Variants in GALNS observed in about 807,000 individuals in gnomAD.
GALNS encodes the protein galactosamine (N-acetyl)-6-sulfatase.
A neutral mutation model predicts 65.9 loss-of-function variants in GALNS; 65 were observed. The observed-to-expected ratio is 0.99, with a 90% CI of 0.81 to 1.21. GALNS has a LOEUF of 1.21. Ranked by LOEUF, GALNS falls within the 50% of genes most tolerant of loss-of-function variation. The pLI, the probability that GALNS is intolerant of heterozygous loss-of-function variation, is 0.00. For synonymous variants in GALNS, 346 were observed against 288.9 expected (o/e 1.20, Z -2.00); for missense variants, 776 against 700.7 (o/e 1.11, Z -1.21).
chr16:88,849,636 T>C (rs28593144), intron 1 of GALNS, among the ~76,000 whole-genome samples: 19,328 of 152,094 alleles, frequency 0.13, 1,538 homozygotes, highest in African/African-American at 0.23. Flanking sequence ...TTGCCCAGGC[T>C]GGTCTTGAGT....
At chr16:88,854,552 C>T (rs745528018) in intron 1 of GALNS, among the ~76,000 whole-genome samples, 9 of 152,234 alleles carry the variant, frequency 5.9e-5, no homozygotes, top group African/African-American at 9.6e-5. Flanking sequence ...GAGGCCTGGG[C>T]TGGACAGGTC....
At chr16:88,852,337 A>G (rs886883920) in intron 1 of GALNS, among the ~76,000 whole-genome samples, 1 of 152,250 alleles carries the variant, frequency 6.6e-6, no homozygotes, top group Non-Finnish European at 1.5e-5. Context: ...AATAGCATCA[A>G]CATCAACAAA....
intron 1 of GALNS, among the ~76,000 whole-genome samples, chr16:88,847,115 C>G (rs1967281926): frequency 6.6e-6 from 1 of 152,130 alleles, no homozygotes; most frequent in South Asian, 2.1e-4. Context: ...CTTAAGCACA[C>G]TGGAGACCAC....
intron 1 of GALNS, among the ~76,000 whole-genome samples, chr16:88,848,945 T>C (rs975233971): frequency 2.6e-5 from 4 of 152,206 alleles, no homozygotes; most frequent in African/African-American, 9.6e-5. Flanking sequence ...GCAGGCTACA[T>C]GGCCCCTGCC....
At chr16:88,840,966 T>C (rs1597579927) in intron 4 of GALNS, 26 bp downstream of exon 4, 4 of 1,578,354 alleles carry the variant, frequency 2.5e-6, no homozygotes, top group Non-Finnish European at 3.5e-6. Flanking sequence ...GCAGGACGCC[T>C]GGGCAGGCGT....
chr16:88,816,256 G>A (rs1243259718), intron 13 of GALNS: 1 of 985,352 alleles, frequency 1.0e-6, no homozygotes, highest in African/African-American at 1.7e-5. Context: ...CATGGCAGGT[G>A]TGGCCTGCGC....
chr16:88,824,730 G>A (rs1320466889), intron 11 of GALNS, 37 bp downstream of exon 11: 2 of 1,559,342 alleles, frequency 1.3e-6, no homozygotes, highest in Middle Eastern at 1.7e-4. Flanking sequence ...TAGAGATGGG[G>A]GCAGCTCCGC....
chr16:88,844,272 G>A (rs965059445), intron 1 of GALNS: 6 of 152,300 alleles, frequency 3.9e-5, no homozygotes, highest in African/African-American at 1.4e-4. Flanking sequence ...AAATGCCCAC[G>A]GCAAACTCCG....
chr16:88,844,551 G>A (rs1470788589), intron 1 of GALNS: 2 of 152,222 alleles, frequency 1.3e-5, no homozygotes, highest in Non-Finnish European at 2.9e-5. Context: ...CCCTCCTGAG[G>A]TGCTCCAAGC....
At chr16:88,840,884 C>T in intron 4 of GALNS, 108 bp downstream of exon 4, 1 of 883,176 alleles carries the variant, frequency 1.1e-6, no homozygotes, top group Non-Finnish European at 1.9e-6. Context: ...TGCCGTTTCC[C>T]ACCCAAGACA....
At chr16:88,854,566 A>G (rs928327703) in intron 1 of GALNS, among the ~76,000 whole-genome samples, 2 of 152,254 alleles carry the variant, frequency 1.3e-5, no homozygotes, top group Non-Finnish European at 2.9e-5. Context: ...ACAGGTCAGC[A>G]TGTGCCCCTC....
intron 2 of GALNS, chr16:88,842,239 C>T: frequency 1.7e-6 from 1 of 590,568 alleles, no homozygotes; most frequent in South Asian, 1.8e-5. Flanking sequence ...GCTCCTGGGA[C>T]ACCCACTGGG....
Position 88,837,606 on chromosome 16 carries a change from G to T in GALNS, c.566+16C>A. ...CAGTTCAGGACGTGGGAGGGGAAGG[G>T]GTGGGGCTCCATTACCTGCCAACCA... On this transcript the variant is annotated intron_variant, in intron 5 of 13. Transcript: ENST00000268695. The T allele has an allele frequency of 1.2e-6, 2 of 1,611,826 alleles. No individual in the cohort carries two copies. Among genetic ancestry groups the T allele is most frequent in the Non-Finnish European group, 8.5e-7 (1 of 1,179,716 alleles).
chr16:88,829,561 A>G (rs1911272396), intron 9 of GALNS, among the ~76,000 whole-genome samples: 1 of 152,252 alleles, frequency 6.6e-6, no homozygotes, highest in Admixed American at 6.5e-5. Flanking sequence ...AGGCCCAGAC[A>G]GCTGTAGAGA....
chr16:88,848,226 C>T (rs891932747), intron 1 of GALNS, among the ~76,000 whole-genome samples: 4 of 152,148 alleles, frequency 2.6e-5, no homozygotes, highest in Non-Finnish European at 4.4e-5. Flanking sequence ...GGCTTCCTTC[C>T]GTGGTGACAA....
At chr16:88,843,380 C>G (rs12449164) in intron 1 of GALNS, 1 of 441,988 alleles carries the variant, frequency 2.3e-6, no homozygotes, top group South Asian at 1.9e-5. Flanking sequence ...GGCCTGCATA[C>G]GAGCGTCCAG....
chr16:88,818,051 C>A lies in GALNS; in HGVS notation c.1438G>T (p.Val480Phe), dbSNP rs151296605. 1,760 of 1,582,582 alleles carry A rather than the reference C, an allele frequency of 1.1e-3. 23 individuals are homozygous for A. In the African/African-American group the frequency reaches 0.02, roughly 18 times the overall value. ...ACGTTGAGCTGGGGCTGCGCGGGGA[C>A]CAAGGCCTCCTGGTGCTGCTGGACG... The part of the protein sequence containing the change: ...SVVQQHQEAL[V>F]PAQPQLNVCN... Residue 480 changes from valine (V) to phenylalanine (F), a missense_variant, in exon 13 of 14, where the codon GTC becomes TTC. By Grantham distance (50) the Val-to-Phe change is conservative. Coordinates refer to ENST00000268695, the MANE Select transcript of GALNS (RefSeq NM_000512.5).
intron 1 of GALNS, chr16:88,845,080 GCTCACGC>G (rs1967181894): frequency 6.6e-6 from 1 of 152,256 alleles, no homozygotes; most frequent in African/African-American, 2.4e-5. Flanking sequence ...GGGCTCGGTG[GCTCACGC>G]CTGTAATCCC....
chr16:88,823,881 G>T (rs1199710591), intron 11 of GALNS, among the ~76,000 whole-genome samples: 2 of 152,096 alleles, frequency 1.3e-5, no homozygotes, highest in African/African-American at 4.8e-5. Flanking sequence ...CCGATGCCCA[G>T]GATGGCCCTT....
Sources: allele counts gnomAD v4.1 joint callset (sites outside exome capture counted in the v4.1 genomes callset), GRCh38; gene constraint gnomAD v4.1.1; transcripts MANE v1.5; gene names NCBI Gene and HGNC (gene_info 2026-07-23, HGNC 2026-07-21).